The following TNPO1 variants were observed in gnomAD, a reference collection of about 807,000 sequenced individuals.
TNPO1 encodes the protein transportin-1.
A neutral mutation model predicts 119.5 loss-of-function variants in TNPO1; 8 were observed. The observed-to-expected ratio is 0.07, with a 90% CI of 0.04 to 0.12. The LOEUF (loss-of-function observed/expected upper bound fraction) is 0.12, where lower values mean the gene tolerates loss of function less well. TNPO1 is among the 10% of genes least tolerant of loss of function. The pLI, the probability that TNPO1 is intolerant of heterozygous loss-of-function variation, is 1.00. For missense variants in TNPO1, 576 were observed against 1,089.8 expected, an observed-to-expected ratio of 0.53 and a Z score of 6.64; for synonymous variants, 362 against 363.0, an observed-to-expected ratio of 1.00 and a Z score of 0.03.
intron 13 of TNPO1, among the ~76,000 whole-genome samples, chr5:72,888,742 T>G (rs1255002352): frequency 1.3e-5 from 2 of 152,234 alleles, no homozygotes; most frequent in Admixed American, 6.5e-5. Flanking sequence ...ATTGACATCC[T>G]TAGACTACAG....
chr5:72,854,444 G>A lies in TNPO1; in HGVS notation c.206-1330G>A, dbSNP rs115981607. ...CATCATACTAACTAGAACAAGCTTG[G>A]GATATATTATTTTTTAATAAGACGG... On this transcript the variant is annotated intron_variant, in intron 3 of 24. Transcript: ENST00000337273. Among the ~76,000 whole-genome samples, 431 of 152,136 alleles carry A rather than the reference G, an allele frequency of 2.8e-3. 3 individuals carry two copies. The highest frequency in any genetic ancestry group is 9.8e-3 in the African/African-American group (406 of 41,500).
In TNPO1 at chr5:72,872,456, G is replaced by A. The variant is rs116375761; in HGVS notation, c.597-183G>A. 4.8e-3 allele frequency among the ~76,000 whole-genome samples: 726 copies of A among 152,180 alleles called. 7 individuals carry two copies. The highest frequency in any genetic ancestry group is 0.017 in the African/African-American group (702 of 41,516). The stretch of plus-strand genomic sequence containing the variant: ...AAATACATATTGCTCTGCAGCTTGC[G>A]TTTTGCACTTAGTATATCATTCAAA... On this transcript the variant is annotated intron_variant, in intron 6 of 24. Transcript: ENST00000337273.
intron 4 of TNPO1, among the ~76,000 whole-genome samples, chr5:72,861,477 C>T (rs1156432309): frequency 1.3e-5 from 2 of 152,148 alleles, no homozygotes; most frequent in Admixed American, 6.5e-5. Flanking sequence ...TCATGGCTCA[C>T]TGCAGCCTCG....
chr5:72,861,252 T>C (rs576800009), intron 4 of TNPO1, among the ~76,000 whole-genome samples: 38 of 149,986 alleles, frequency 2.5e-4, no homozygotes, highest in Non-Finnish European at 3.5e-4. Flanking sequence ...CTTGGTATTA[T>C]GGCAGAAAAA....
chr5:72,836,826 A>T (rs1744711350), intron 1 of TNPO1, among the ~76,000 whole-genome samples: 1 of 152,182 alleles, frequency 6.6e-6, no homozygotes, highest in Non-Finnish European at 1.5e-5. Flanking sequence ...TGCCTTCCAC[A>T]CAATGCTAGG....
chr5:72,890,860 ATTT>A (rs1291964223), intron 14 of TNPO1, among the ~76,000 whole-genome samples: 1 of 152,006 alleles, frequency 6.6e-6, no homozygotes, highest in East Asian at 1.9e-4. Flanking sequence ...ACTAAAAGGA[ATTT>A]TTTTGTGTGT....
At chr5:72,818,117 ACGTGAGC>A (rs1448483455) in intron 1 of TNPO1, among the ~76,000 whole-genome samples, 1 of 152,360 alleles carries the variant, frequency 6.6e-6, no homozygotes, top group East Asian at 1.9e-4. Context: ...ATGCAATTTA[ACGTGAGC>A]CTAATGAAGT....
intron 1 of TNPO1, among the ~76,000 whole-genome samples, chr5:72,837,487 C>A (rs1744734644): frequency 6.6e-6 from 1 of 152,136 alleles, no homozygotes; most frequent in South Asian, 2.1e-4. Flanking sequence ...TTCCAAAGTC[C>A]CCACCTCTTA....
In TNPO1 at chr5:72,858,953, GT is replaced by G. The variant is rs35567162; in HGVS notation, c.356-2839del. 7.2e-3 allele frequency among the ~76,000 whole-genome samples: 983 copies of G among 135,618 alleles called. 1 individual carries two copies. Among genetic ancestry groups the G allele is most frequent in the African/African-American group, 0.016 (585 of 37,718 alleles). The allele number at this position is 135,618 out of a possible 152,430, so 89.0% of individuals were successfully genotyped here. ...GGTGCTTTCCAACAAATCTGGGAAG[GT>G]TTTTTTTTTTTTTTTAATCACCCAA... On this transcript the variant is annotated intron_variant, in intron 4 of 24. Transcript: ENST00000337273.
chr5:72,883,916 T>C (rs1025609722), intron 11 of TNPO1, among the ~76,000 whole-genome samples: 3 of 151,966 alleles, frequency 2.0e-5, no homozygotes, highest in Non-Finnish European at 4.4e-5. Context: ...GGATGAATTT[T>C]TGTTTTTTTT....
chr5:72,832,780 G>A (rs975785250), intron 1 of TNPO1, among the ~76,000 whole-genome samples: 1 of 152,158 alleles, frequency 6.6e-6, no homozygotes. Flanking sequence ...GAAGAGAGGA[G>A]AGGAGAGGGA....
At chr5:72,908,024 G>A (rs1750294486) in intron 24 of TNPO1, among the ~76,000 whole-genome samples, 1 of 152,204 alleles carries the variant, frequency 6.6e-6, no homozygotes, top group African/African-American at 2.4e-5. Context: ...CTGCGTTCCA[G>A]CCTGGGTGAC....
chr5:72,847,001 GTATTAA>G (rs1745159342), intron 1 of TNPO1, among the ~76,000 whole-genome samples: 1 of 152,044 alleles, frequency 6.6e-6, no homozygotes, highest in Non-Finnish European at 1.5e-5. Flanking sequence ...AAGCACTACA[GTATTAA>G]TACATTTTAT....
intron 1 of TNPO1, among the ~76,000 whole-genome samples, chr5:72,840,679 A>G (rs1363708191): frequency 6.6e-6 from 1 of 152,198 alleles, no homozygotes; most frequent in African/African-American, 2.4e-5. Context: ...TTATCACTCA[A>G]TTTGATACCA....
intron 2 of TNPO1, among the ~76,000 whole-genome samples, chr5:72,849,120 C>T (rs570727724): frequency 4.6e-5 from 7 of 152,304 alleles, no homozygotes; most frequent in Admixed American, 2.6e-4. Flanking sequence ...GGTGTTAACA[C>T]CTGTTGCGAA....
chr5:72,869,179 A>G (rs1231195489), intron 6 of TNPO1, among the ~76,000 whole-genome samples: 3 of 152,162 alleles, frequency 2.0e-5, no homozygotes, highest in Non-Finnish European at 4.4e-5. Flanking sequence ...TATAAGGTAA[A>G]TTTATATTAT....
chr5:72,886,597 T>A (rs1487317892), intron 11 of TNPO1, among the ~76,000 whole-genome samples: 2 of 152,146 alleles, frequency 1.3e-5, no homozygotes, highest in Non-Finnish European at 1.5e-5. Flanking sequence ...AAAATATTCA[T>A]CTTAATAGAA....
At chr5:72,880,003 C>G (rs921201165) in intron 9 of TNPO1, among the ~76,000 whole-genome samples, 4 of 152,120 alleles carry the variant, frequency 2.6e-5, no homozygotes, top group African/African-American at 9.7e-5. Context: ...GCCTGGACAA[C>G]ATGGTGAAAC....
Position 72,848,418 on chromosome 5 carries a change from G to A in TNPO1, c.49G>A (p.Glu17Lys). The part of the protein sequence containing the change: ...TKMEYEWKPD[E>K]QGLQQILQLL... The stretch of plus-strand genomic sequence containing the variant: ...GATGGAGTATGAGTGGAAACCTGAC[G>A]AGCAAGGGCTTCAGCAAATCCTGCA... The change falls in exon 2 of 25, where the codon GAG (glutamate) becomes AAG (lysine). Residue 17 changes from glutamate (E) to lysine (K), a missense_variant. Around this residue, in one of 6 missense-constraint regions of TNPO1, gnomAD observed 57 missense variants for 59.5 expected, o/e 0.96. Transcript: ENST00000337273. The A allele has an allele frequency of 1.2e-6, 2 of 1,612,622 alleles. No homozygotes were observed. Among genetic ancestry groups the A allele is most frequent in the Non-Finnish European group, 8.5e-7 (1 of 1,179,236 alleles).
Sources: gnomAD v4.1 joint callset for allele counts (sites outside exome capture counted in the v4.1 genomes callset) on GRCh38, gnomAD v4.1.1 for gene constraint, gnomAD v4.1.1 regional missense constraint, MANE v1.5 for transcripts, NCBI Gene and HGNC (gene_info 2026-07-23, HGNC 2026-07-21) for gene names.